The following TBC1D15 variants were observed in gnomAD, a reference collection of about 807,000 sequenced individuals.
TBC1D15 encodes the protein TBC1 domain family member 15, also known as GAP for RAB7.
Under a neutral mutation model 95.4 loss-of-function variants are expected in TBC1D15, and 39 were observed. That is an observed-to-expected ratio of 0.41 (90% CI 0.32 to 0.53). TBC1D15 has a LOEUF of 0.53. TBC1D15 is among the 20% of genes least tolerant of loss of function. The pLI is 0.29. For synonymous variants in TBC1D15, 258 were observed against 261.3 expected (o/e 0.99, Z 0.12); for missense variants, 733 against 794.3 (o/e 0.92, Z 0.93).
chr12:71,855,862 C>T (rs947709728), intron 1 of TBC1D15, among the ~76,000 whole-genome samples: 5 of 150,692 alleles, frequency 3.3e-5, no homozygotes, highest in African/African-American at 1.2e-4. Context: ...ATATCTTCTA[C>T]TTAGTATTAC....
chr12:71,857,132 G>GT (rs987162204), intron 1 of TBC1D15, among the ~76,000 whole-genome samples: 2 of 151,396 alleles, frequency 1.3e-5, no homozygotes, highest in Non-Finnish European at 2.9e-5. Flanking sequence ...AGAGATGGGG[G>GT]TGGGGGGGCA....
In TBC1D15 at chr12:71,916,741, A is replaced by C. The variant is rs1334545480; in HGVS notation, c.1402-957A>C. On this transcript the variant is annotated intron_variant, in intron 12 of 16. Coordinates refer to ENST00000485960, the MANE Select transcript of TBC1D15 (RefSeq NM_001146213.3). ...CATTTAAGAAGCCTTTCAGAGCATCAGTTTTGGTGCCTTCTGGCCCCTTGA... is the reference window on the plus strand; with the variant it reads ...CATTTAAGAAGCCTTTCAGAGCATCCGTTTTGGTGCCTTCTGGCCCCTTGA... Among the ~76,000 whole-genome samples the C allele has an allele frequency of 9.9e-5, 15 of 152,274 alleles. No homozygotes were observed. In the South Asian group the frequency reaches 2.9e-3, roughly 29 times the overall value.
At chr12:71,855,391 T>G (rs1036491006) in intron 1 of TBC1D15, among the ~76,000 whole-genome samples, 1 of 152,110 alleles carries the variant, frequency 6.6e-6, no homozygotes, top group Non-Finnish European at 1.5e-5. Context: ...ATACTTACCA[T>G]ATAGCTGAAT....
chr12:71,842,830 C>CAAAAAA (rs58842371), intron 1 of TBC1D15, among the ~76,000 whole-genome samples: 7 of 84,772 alleles, frequency 8.3e-5, no homozygotes, highest in Admixed American at 2.5e-4. Context: ...GACCCTGTCT[C>CAAAAAA]AAAAAAAAAA....
rs377653278 is a variant in TBC1D15, at chr12:71,913,902, C to T, written c.1377C>T (p.Cys459=). 1 of 1,594,416 alleles carries T rather than the reference C, an allele frequency of 6.3e-7. No homozygotes were observed. The highest frequency in any genetic ancestry group is 1.4e-5 in the African/African-American group (1 of 73,082). Residue 459 remains cysteine (C), a synonymous_variant, in exon 12 of 17, where the codon TGC becomes TGT. Transcript: ENST00000485960. ...AAAATGAAGTGGATGCCTTTTGGTG[C>T]TTTGCCTCTTACATGGACCAAATGG... is the stretch of plus-strand genomic sequence containing the variant. The part of the protein sequence containing the change: ...VMENEVDAFW[C]FASYMDQMHQ...
At chr12:71,844,106 A>C (rs986473629) in intron 1 of TBC1D15, among the ~76,000 whole-genome samples, 1 of 152,132 alleles carries the variant, frequency 6.6e-6, no homozygotes, top group Non-Finnish European at 1.5e-5. Context: ...TGATCTTCTA[A>C]ATATCTTTCT....
intron 10 of TBC1D15, among the ~76,000 whole-genome samples, chr12:71,903,169 C>G (rs1899842356): frequency 6.6e-6 from 1 of 152,152 alleles, no homozygotes; most frequent in South Asian, 2.1e-4. Context: ...CTGCCTTGGC[C>G]TCCCAAAGTG....
At chr12:71,868,626 CT>C (rs1306475456) in intron 1 of TBC1D15, among the ~76,000 whole-genome samples, 1 of 152,076 alleles carries the variant, frequency 6.6e-6, no homozygotes, top group East Asian at 1.9e-4. Flanking sequence ...ACTCTTTCAA[CT>C]TTTTCTTAAG....
At chr12:71,873,089 G>A (rs1893035887) in intron 3 of TBC1D15, 86 bp downstream of exon 3, 2 of 912,804 alleles carry the variant, frequency 2.2e-6, no homozygotes, top group Non-Finnish European at 3.4e-6. Context: ...ACCATAAAAT[G>A]CATCCTTTTA....
intron 1 of TBC1D15, chr12:71,841,371 A>G (rs1884956163): frequency 6.6e-6 from 1 of 152,200 alleles, no homozygotes; most frequent in Non-Finnish European, 1.5e-5. Context: ...TCTGCTTCAT[A>G]ACCTCATTTA....
chr12:71,901,478 A>G (rs1449266403), intron 10 of TBC1D15, among the ~76,000 whole-genome samples: 3 of 152,164 alleles, frequency 2.0e-5, no homozygotes, highest in African/African-American at 7.2e-5. Context: ...TTGAATGTGG[A>G]TATATGGGGC....
chr12:71,904,468 G>A (rs1445939829), intron 10 of TBC1D15, among the ~76,000 whole-genome samples: 1 of 152,148 alleles, frequency 6.6e-6, no homozygotes, highest in African/African-American at 2.4e-5. Flanking sequence ...TTTTAATGAT[G>A]TTGAAAGAAA....
In TBC1D15 at chr12:71,907,083, G is replaced by C; in HGVS notation, c.1245G>C (p.Gly415=). 1 of 1,612,132 alleles carries C rather than the reference G, an allele frequency of 6.2e-7. No individual in the cohort carries two copies. The highest frequency in any genetic ancestry group is 8.5e-7 in the Non-Finnish European group (1 of 1,178,984). ...NKFYEGQDNP[G]LILLHDILMT... ...TTTATGAAGGCCAAGATAATCCAGG[G>C]TTGATTTTACTTCATGACATTTTGA... Residue 415 remains glycine (G), a synonymous_variant, in exon 11 of 17, where the codon GGG becomes GGC. Coordinates refer to ENST00000485960, the MANE Select transcript of TBC1D15 (RefSeq NM_001146213.3).
intron 1 of TBC1D15, among the ~76,000 whole-genome samples, chr12:71,848,530 AAACT>A (rs1168937494): frequency 1.3e-5 from 2 of 151,488 alleles, no homozygotes; most frequent in Non-Finnish European, 2.9e-5. Context: ...ATTTTTTTTC[AAACT>A]GTGTTTTTTT....
intron 5 of TBC1D15, among the ~76,000 whole-genome samples, chr12:71,886,890 C>T (rs374206201): frequency 4.0e-5 from 6 of 151,640 alleles, no homozygotes; most frequent in African/African-American, 9.7e-5. Context: ...ATCGGTGTTG[C>T]GATGTAACTC....
At chr12:71,888,876 AT>A (rs1180854722) in intron 5 of TBC1D15, among the ~76,000 whole-genome samples, 4 of 119,904 alleles carry the variant, frequency 3.3e-5, no homozygotes, top group African/African-American at 3.0e-5. Context: ...TAATTCAAGT[AT>A]TTTTTTTTGA....
rs1592783808 is a variant in TBC1D15, at chr12:71,896,086, C to T, written c.984+11C>T. ...ATGATATTTAGAGGGGTAATTTAAA[C>T]ACTCTAATATGGCTTGTCTTATAAA... On this transcript the variant is annotated intron_variant, in intron 8 of 16. Coordinates refer to ENST00000485960, the MANE Select transcript of TBC1D15 (RefSeq NM_001146213.3). 2 of 1,599,856 alleles carry T rather than the reference C, an allele frequency of 1.3e-6. No homozygotes were observed. The highest frequency in any genetic ancestry group is 1.7e-6 in the Non-Finnish European group (2 of 1,170,456).
rs1898144318 is a variant in TBC1D15, at chr12:71,896,219, G to A, written c.984+144G>A. 1.4e-5 allele frequency: 10 copies of A among 705,992 alleles called. No homozygotes were observed. The East Asian group carries it at 2.8e-4, about 20-fold the overall frequency. The allele number at this position is 705,992 out of a possible 1,614,324, so 43.7% of individuals were successfully genotyped here. A position where few individuals can be genotyped will look rare whatever the true frequency, so the allele number is the denominator to read the frequency against. Reference sequence around the variant, plus strand: ...GGGGAAGTAGGGAGGAATGAACTCTGTTATTTCTTTGATGAATGATGCCTT... The same window carrying A: ...GGGGAAGTAGGGAGGAATGAACTCTATTATTTCTTTGATGAATGATGCCTT... On this transcript the variant is annotated intron_variant, in intron 8 of 16. Coordinates refer to ENST00000485960, the MANE Select transcript of TBC1D15 (RefSeq NM_001146213.3).
chr12:71,895,376 A>ACT (rs1897967882), intron 7 of TBC1D15, among the ~76,000 whole-genome samples: 2 of 152,068 alleles, frequency 1.3e-5, no homozygotes, highest in South Asian at 4.1e-4. Context: ...CATAGTTAGA[A>ACT]AACTATAAAT....
Sources: gnomAD v4.1 joint callset for allele counts (sites outside exome capture counted in the v4.1 genomes callset) on GRCh38, gnomAD v4.1.1 for gene constraint, MANE v1.5 for transcripts, NCBI Gene and HGNC (gene_info 2026-07-23, HGNC 2026-07-21) for gene names.